Variants in SSH2 observed in about 807,000 individuals in gnomAD.
SSH2 encodes protein phosphatase Slingshot homolog 2.
A neutral mutation model predicts 135.2 loss-of-function variants in SSH2; 37 were observed. The observed-to-expected ratio is 0.27, with a 90% CI of 0.21 to 0.36. The LOEUF is 0.36. SSH2 is among the 10% of genes least tolerant of loss of function. The pLI is 1.00. For synonymous variants in SSH2, 628 were observed against 646.2 expected, an observed-to-expected ratio of 0.97 and a Z score of 0.43; for missense variants, 1,408 against 1,765.3, an observed-to-expected ratio of 0.80 and a Z score of 3.63.
At chr17:29,750,040 C>A (rs1391655341) in intron 3 of SSH2, among the ~76,000 whole-genome samples, 2 of 152,062 alleles carry the variant, frequency 1.3e-5, no homozygotes, top group Non-Finnish European at 2.9e-5. Flanking sequence ...GCCAAATGTT[C>A]TCTTTTTTCA....
At chr17:29,826,327 G>A (rs532822422) in intron 2 of SSH2, among the ~76,000 whole-genome samples, 19 of 152,154 alleles carry the variant, frequency 1.2e-4, no homozygotes, top group Admixed American at 2.0e-4. Context: ...CTTATATTTT[G>A]TTTGCCGAAA....
intron 3 of SSH2, among the ~76,000 whole-genome samples, chr17:29,772,796 T>C (rs2041615270): frequency 6.6e-6 from 1 of 152,134 alleles, no homozygotes; most frequent in African/African-American, 2.4e-5. Flanking sequence ...GACTTGGGAC[T>C]CCAGGCTCTC....
intron 2 of SSH2, among the ~76,000 whole-genome samples, chr17:29,824,741 T>G (rs2042715412): frequency 6.6e-6 from 1 of 152,244 alleles, no homozygotes; most frequent in Admixed American, 6.5e-5. Flanking sequence ...ACTGTGCCTG[T>G]AGCATAGCTG....
intron 2 of SSH2, among the ~76,000 whole-genome samples, chr17:29,820,454 G>A (rs2042632419): frequency 6.6e-6 from 1 of 152,208 alleles, no homozygotes; most frequent in East Asian, 1.9e-4. Flanking sequence ...GTATAAAACA[G>A]ATCGAGTCCT....
intron 1 of SSH2, among the ~76,000 whole-genome samples, chr17:29,925,738 T>G (rs574125733): frequency 6.6e-6 from 1 of 151,696 alleles, no homozygotes; most frequent in East Asian, 1.9e-4. Flanking sequence ...GAAAGAAAAT[T>G]GCTGTGAGTA....
At chr17:29,777,049 T>C (rs2041718413) in intron 3 of SSH2, among the ~76,000 whole-genome samples, 1 of 151,578 alleles carries the variant, frequency 6.6e-6, no homozygotes, top group Non-Finnish European at 1.5e-5. Flanking sequence ...TTGTCTCTAC[T>C]AAAAATACAA....
At chr17:29,875,610 A>T (rs1250566244) in intron 1 of SSH2, among the ~76,000 whole-genome samples, 1 of 152,188 alleles carries the variant, frequency 6.6e-6, no homozygotes, top group African/African-American at 2.4e-5. Flanking sequence ...TTCTTACTAC[A>T]GTCTGTAAAG....
intron 9 of SSH2, among the ~76,000 whole-genome samples, chr17:29,670,538 G>A (rs530601188): frequency 2.9e-4 from 44 of 152,254 alleles, no homozygotes; most frequent in South Asian, 2.5e-3. Context: ...GGCTACGCCT[G>A]TAATCCCAGC....
intron 1 of SSH2, among the ~76,000 whole-genome samples, chr17:29,879,378 T>G (rs998677653): frequency 5.3e-5 from 8 of 151,804 alleles, no homozygotes; most frequent in South Asian, 2.1e-4. Flanking sequence ...CTGCTGTTTT[T>G]TTTTTTTTTT....
chr17:29,871,183 GT>G (rs796527895), intron 1 of SSH2, among the ~76,000 whole-genome samples: 28 of 146,818 alleles, frequency 1.9e-4, no homozygotes, highest in South Asian at 2.2e-4. Flanking sequence ...GGCTGCAATT[GT>G]TTTTTTTTTT....
At chr17:29,765,315 C>T (rs1427696044) in intron 3 of SSH2, among the ~76,000 whole-genome samples, 1 of 152,206 alleles carries the variant, frequency 6.6e-6, no homozygotes, top group Non-Finnish European at 1.5e-5. Context: ...GATCGTACTG[C>T]AACCATTAGC....
chr17:29,636,171 C>T lies in SSH2; in HGVS notation c.2059G>A (p.Val687Met), dbSNP rs761983138. ...GACCGGGTTTCTTGGGAGAGCTCCA[C>T]AAACTTCTCTAGGGCACTAAAAAAG... ...IDFFSALEKF[V>M]ELSQETRSRS... The change falls in exon 15 of 16, where the codon GTG becomes ATG. Residue 687 changes from valine (V) to methionine (M), a missense_variant. By Grantham distance (21) the Val-to-Met change is conservative. Transcript: ENST00000540801. 1.2e-6 allele frequency: 2 copies of T among 1,614,180 alleles called. No individual in the cohort carries two copies. The highest frequency in any genetic ancestry group is 1.7e-6 in the Non-Finnish European group (2 of 1,180,040).
chr17:29,773,681 T>A (rs1295810055), intron 3 of SSH2, among the ~76,000 whole-genome samples: 1 of 152,226 alleles, frequency 6.6e-6, no homozygotes, highest in Non-Finnish European at 1.5e-5. Context: ...TTATTTTTTT[T>A]ATTTATTTAT....
intron 3 of SSH2, chr17:29,793,690 C>T (rs2042111220): frequency 6.2e-6 from 3 of 485,282 alleles, no homozygotes; most frequent in Non-Finnish European, 1.1e-5. Context: ...AACTCCTGGC[C>T]TTAAGCAATC....
At chr17:29,715,205 T>G (rs2039578734) in intron 3 of SSH2, among the ~76,000 whole-genome samples, 1 of 151,394 alleles carries the variant, frequency 6.6e-6, no homozygotes, top group Non-Finnish European at 1.5e-5. Flanking sequence ...TCCTTTTGGC[T>G]TTTTCTTTCC....
intron 3 of SSH2, chr17:29,761,561 G>A (rs962953880): frequency 1.5e-5 from 6 of 399,248 alleles, no homozygotes; most frequent in Non-Finnish European, 2.0e-5. Context: ...ATCCCGCAGC[G>A]CGCGTCACAG....
chr17:29,728,499 A>C (rs1361505561), intron 3 of SSH2, among the ~76,000 whole-genome samples: 1 of 152,220 alleles, frequency 6.6e-6, no homozygotes, highest in Non-Finnish European at 1.5e-5. Context: ...ATTCAATGCA[A>C]TCCCTATCAA....
At chr17:29,841,852 G>A (rs993314350) in intron 2 of SSH2, among the ~76,000 whole-genome samples, 8 of 151,186 alleles carry the variant, frequency 5.3e-5, no homozygotes, top group Non-Finnish European at 1.0e-4. Context: ...TCTGCTTCCC[G>A]AGTAGCTGGG....
chr17:29,930,195 G>A lies in SSH2; in HGVS notation c.-195C>T, dbSNP rs2067164833. 2 of 571,710 alleles carry A rather than the reference G, an allele frequency of 3.5e-6. No homozygotes were observed. Among genetic ancestry groups the A allele is most frequent in the Non-Finnish European group, 6.1e-6 (2 of 329,432 alleles). The allele number at this position is 571,710 out of a possible 1,614,324, so 35.4% of individuals were successfully genotyped here. On this transcript the variant is annotated 5_prime_UTR_variant, in exon 1 of 16. Transcript: ENST00000540801. ...CGCCGACTGACGCTCCGAACGGGCG[G>A]CGGGCGGGCGGTTCCGCAGCTGCGG...
Sources: gnomAD v4.1 joint callset for allele counts (sites outside exome capture counted in the v4.1 genomes callset) on GRCh38, gnomAD v4.1.1 for gene constraint, MANE v1.5 for transcripts, NCBI Gene and HGNC (gene_info 2026-07-23, HGNC 2026-07-21) for gene names.